Variants in FCGRT observed in about 807,000 individuals in gnomAD.
FCGRT encodes IgG receptor FcRn large subunit p51.
Under a neutral mutation model 35.7 loss-of-function variants are expected in FCGRT, and 13 were observed. The observed-to-expected ratio is 0.36, with a 90% CI of 0.24 to 0.58. FCGRT has a LOEUF of 0.58. Ranked by LOEUF, FCGRT falls within the 20% of genes least tolerant of loss-of-function variation. The pLI is 0.77. For missense variants in FCGRT, 455 were observed against 474.9 expected, an observed-to-expected ratio of 0.96 and a Z score of 0.39; for synonymous variants, 233 against 216.5, an observed-to-expected ratio of 1.08 and a Z score of -0.67.
chr19:49,519,763 T>C (rs777545961), intron 4 of FCGRT, among the ~76,000 whole-genome samples: 3 of 152,000 alleles, frequency 2.0e-5, no homozygotes, highest in East Asian at 3.9e-4. Flanking sequence ...GGTGTTGTTA[T>C]GAAGTTCTTT....
chr19:49,525,759 G>A (rs960227080), intron 6 of FCGRT, among the ~76,000 whole-genome samples, 186 bp downstream of exon 6: 3 of 151,470 alleles, frequency 2.0e-5, no homozygotes, highest in Admixed American at 6.6e-5. Context: ...ACCCAGAGAC[G>A]GGGGAACAGA....
At chr19:49,519,084 C>T (rs1037988103) in intron 4 of FCGRT, among the ~76,000 whole-genome samples, 4 of 152,118 alleles carry the variant, frequency 2.6e-5, no homozygotes, top group African/African-American at 7.2e-5. Context: ...CCTCCTGATC[C>T]GCCTGCCTCA....
intron 5 of FCGRT, chr19:49,525,099 C>A (rs940506527): frequency 7.2e-6 from 4 of 554,784 alleles, no homozygotes; most frequent in Non-Finnish European, 1.4e-5. Context: ...TCTGACCATT[C>A]GTTGTCTGCT....
At chr19:49,519,102 A>G (rs1055644804) in intron 4 of FCGRT, among the ~76,000 whole-genome samples, 4 of 151,876 alleles carry the variant, frequency 2.6e-5, no homozygotes, top group Admixed American at 6.6e-5. Flanking sequence ...TCAGCCTCCC[A>G]AAGTACTGGG....
At chr19:49,519,051 G>A (rs1457909744) in intron 4 of FCGRT, among the ~76,000 whole-genome samples, 1 of 148,364 alleles carries the variant, frequency 6.7e-6, no homozygotes. Context: ...ACTGTGTTAG[G>A]CAGGATGGTC....
At position 49,514,452 on chromosome 19, in the gene FCGRT, C is replaced by T. The variant is rs759996121; in HGVS notation, c.567C>T (p.His189=). 4.7e-5 allele frequency: 74 copies of T among 1,567,320 alleles called. No homozygotes were observed. The highest frequency in any genetic ancestry group is 6.0e-5 in the Non-Finnish European group (69 of 1,152,716). Residue 189 remains histidine (H), a synonymous_variant, in exon 4 of 7, where the codon CAC becomes CAT. Transcript: ENST00000221466. ...CCTGCCCGCACCGCCTGCGGGAGCA[C>T]CTGGAGAGGGGCCGCGGAAACCTGG... ...LFSCPHRLRE[H]LERGRGNLEW...
At chr19:49,523,291 G>A (rs960532634) in intron 4 of FCGRT, among the ~76,000 whole-genome samples, 9 of 152,030 alleles carry the variant, frequency 5.9e-5, no homozygotes, top group Non-Finnish European at 8.8e-5. Context: ...TAAATAGGCC[G>A]GGTGTGGTGC....
At chr19:49,514,622 T>C in intron 4 of FCGRT, 136 bp downstream of exon 4, 1 of 808,380 alleles carries the variant, frequency 1.2e-6, no homozygotes, top group South Asian at 2.1e-5. Context: ...CAGGGGTCCT[T>C]CTACACTCAG....
intron 4 of FCGRT, among the ~76,000 whole-genome samples, chr19:49,522,150 T>C (rs2080044860): frequency 1.3e-5 from 2 of 148,214 alleles, no homozygotes; most frequent in Admixed American, 6.8e-5. Flanking sequence ...GGTGTGATCA[T>C]AACTCACTCC....
intron 4 of FCGRT, among the ~76,000 whole-genome samples, chr19:49,516,956 G>A (rs976889648): frequency 9.2e-5 from 14 of 152,176 alleles, no homozygotes; most frequent in Non-Finnish European, 1.3e-4. Flanking sequence ...TTGGGAGGCC[G>A]AGGCAGGTGG....
rs371326916 is a variant in FCGRT, at chr19:49,520,111, G to A, written c.602-4396G>A. On this transcript the variant is annotated intron_variant, in intron 4 of 6. Coordinates refer to ENST00000221466, the MANE Select transcript of FCGRT (RefSeq NM_001136019.3). Reference sequence around the variant, plus strand: ...CTCCCAAAGTGCTGGGATTACAGGCGTGAGCCACCGCGCCCGGGCTTTTTT... The same window carrying A: ...CTCCCAAAGTGCTGGGATTACAGGCATGAGCCACCGCGCCCGGGCTTTTTT... Among the ~76,000 whole-genome samples the A allele has an allele frequency of 2.5e-3, 365 of 147,926 alleles. 6 individuals are homozygous for A. The highest frequency in any genetic ancestry group is 8.8e-3 in the African/African-American group (353 of 39,998).
At chr19:49,524,137 G>T (rs2080058593) in intron 4 of FCGRT, among the ~76,000 whole-genome samples, 1 of 151,566 alleles carries the variant, frequency 6.6e-6, no homozygotes. Flanking sequence ...TCCTGCCTCA[G>T]CCTCCTGAGT....
In FCGRT at chr19:49,526,039, A is replaced by C; in HGVS notation, c.1018A>C (p.Thr340Pro). 2 of 1,613,114 alleles carry C rather than the reference A, an allele frequency of 1.2e-6. No homozygotes were observed. The highest frequency in any genetic ancestry group is 1.7e-5 in the Admixed American group (1 of 60,016). Residue 340 changes from threonine to proline, a missense_variant, in exon 7 of 7, where the codon ACC becomes CCC. Physicochemically the swap from Thr to Pro is conservative, Grantham distance 38 (BLOSUM62 -1). This residue lies in a region of FCGRT where 312 missense variants were observed against 296.1 expected (regional missense o/e 1.05). Coordinates refer to ENST00000221466, the MANE Select transcript of FCGRT (RefSeq NM_001136019.3). The part of the protein sequence containing the change: ...APWISLRGDD[T>P]GVLLPTPGEA... ...TTGGATCTCCCTTCGTGGAGACGAC[A>C]CCGGGGTCCTCCTGCCCACCCCAGG...
chr19:49,519,931 A>G (rs1305638472), intron 4 of FCGRT, among the ~76,000 whole-genome samples: 1 of 149,216 alleles, frequency 6.7e-6, no homozygotes, highest in African/African-American at 2.5e-5. Context: ...CCCAGGTTCA[A>G]GCGATTCTGC....
At chr19:49,522,458 G>C (rs183642475) in intron 4 of FCGRT, among the ~76,000 whole-genome samples, 122 of 151,518 alleles carry the variant, frequency 8.1e-4, no homozygotes, top group Non-Finnish European at 1.4e-3. Flanking sequence ...TTTTGAGACA[G>C]TCTTGCTCTG....
At chr19:49,523,050 T>TA (rs995991020) in intron 4 of FCGRT, among the ~76,000 whole-genome samples, 12 of 152,142 alleles carry the variant, frequency 7.9e-5, no homozygotes, top group African/African-American at 2.9e-4. Context: ...GTGCTGGGAT[T>TA]ACAGGCGTGA....
At chr19:49,524,924 A>G (rs1280025832) in intron 5 of FCGRT, 148 bp downstream of exon 5, 1 of 818,402 alleles carries the variant, frequency 1.2e-6, no homozygotes, top group Non-Finnish European at 2.0e-6. Flanking sequence ...CAGTGCCCCC[A>G]AAACCTGATG....
intron 4 of FCGRT, among the ~76,000 whole-genome samples, chr19:49,516,487 G>A (rs979652555): frequency 2.0e-5 from 3 of 151,052 alleles, no homozygotes; most frequent in East Asian, 1.9e-4. Context: ...TTTTGACCTC[G>A]TGATCTGCCT....
intron 2 of FCGRT, 146 bp from the exon 3 acceptor site, chr19:49,513,726 CTGGGTCTCTG>C (rs2079987917): frequency 3.3e-6 from 2 of 598,842 alleles, no homozygotes; most frequent in African/African-American, 4.6e-5. Context: ...CTCTCTCTCT[CTGGGTCTCTG>C]TCCCCCCCCC....
Sources: gnomAD v4.1 joint callset for allele counts (sites outside exome capture counted in the v4.1 genomes callset) on GRCh38, gnomAD v4.1.1 for gene constraint, gnomAD v4.1.1 regional missense constraint, MANE v1.5 for transcripts, NCBI Gene and HGNC (gene_info 2026-07-23, HGNC 2026-07-21) for gene names.